Variants in TUSC3 observed in about 807,000 individuals in gnomAD.
TUSC3 encodes the protein dolichyl-diphosphooligosaccharide--protein glycosyltransferase subunit TUSC3.
TUSC3 carries 45 observed loss-of-function variants against 44.8 expected under a neutral mutation model. The observed-to-expected ratio is 1.00, with a 90% CI of 0.79 to 1.29. The LOEUF is 1.29. Among genes scored for constraint, TUSC3 ranks in the 50% most tolerant of loss-of-function variants. TUSC3 has a pLI of 0.00. For synonymous variants in TUSC3, 212 were observed against 152.9 expected (o/e 1.39, Z -2.85); for missense variants, 519 against 437.9 (o/e 1.19, Z -1.65).
the TUSC3 span, among the ~76,000 whole-genome samples, chr8:15,788,472 A>G: frequency 6.6e-6 from 1 of 150,382 alleles, no homozygotes; most frequent in Non-Finnish European, 1.5e-5. Context: ...TCCTGAACCC[A>G]GGAGGCGGAG....
intron 1 of TUSC3, 28 bp downstream of exon 1, chr8:15,540,596 TG>T (rs749666014): frequency 6.6e-7 from 1 of 1,515,990 alleles, no homozygotes; most frequent in Non-Finnish European, 8.9e-7. Flanking sequence ...GGCCTTCCCC[TG>T]TGGGCGGGGG....
At chr8:15,624,309 T>TA (rs1025280519) in intron 2 of TUSC3, among the ~76,000 whole-genome samples, 11 of 152,198 alleles carry the variant, frequency 7.2e-5, no homozygotes, top group Non-Finnish European at 1.0e-4. Flanking sequence ...TATGTGAACT[T>TA]ACCGTTTTTC....
chr8:15,755,784 T>C (rs1811904212), intron 9 of TUSC3, among the ~76,000 whole-genome samples: 1 of 152,036 alleles, frequency 6.6e-6, no homozygotes, highest in Non-Finnish European at 1.5e-5. Context: ...AGAAATATGA[T>C]TTCAGTAGTA....
chr8:15,568,108 A>T (rs1210431372), intron 1 of TUSC3, among the ~76,000 whole-genome samples: 2 of 152,104 alleles, frequency 1.3e-5, no homozygotes, highest in Non-Finnish European at 2.9e-5. Context: ...CCATTCTCTG[A>T]GATTTGTCCA....
intron 6 of TUSC3, among the ~76,000 whole-genome samples, chr8:15,705,202 G>T (rs888670839): frequency 6.6e-6 from 1 of 151,664 alleles, no homozygotes; most frequent in African/African-American, 2.4e-5. Context: ...AGAGTACAGA[G>T]ACATTGATTT....
At chr8:15,684,006 G>T (rs1375574166) in intron 6 of TUSC3, among the ~76,000 whole-genome samples, 1 of 151,684 alleles carries the variant, frequency 6.6e-6, no homozygotes, top group East Asian at 2.0e-4. Flanking sequence ...TCAGAGTGCA[G>T]TCCACCAGCT....
At chr8:15,535,549 A>G (rs1346430951), upstream of TUSC3, among the ~76,000 whole-genome samples, 4 of 151,776 alleles carry the variant, frequency 2.6e-5, no homozygotes, top group Non-Finnish European at 4.4e-5. Context: ...AGAGGAAGCA[A>G]TCAGATATGC....
At chr8:15,469,408 C>G (rs1022897467) in intron 1 of TUSC3, among the ~76,000 whole-genome samples, 10 of 152,140 alleles carry the variant, frequency 6.6e-5, no homozygotes, top group Non-Finnish European at 7.4e-5. Flanking sequence ...AAAATAGGTT[C>G]TATATCACAT....
intron 1 of TUSC3, among the ~76,000 whole-genome samples, chr8:15,478,017 G>T (rs1231211203): frequency 6.6e-6 from 1 of 152,034 alleles, no homozygotes; most frequent in Non-Finnish European, 1.5e-5. Context: ...GAGTGCAGTG[G>T]CACGATCTTG....
chr8:15,512,555 TTGAGG>T (rs1295724793), intron 2 of TUSC3, among the ~76,000 whole-genome samples: 1 of 152,044 alleles, frequency 6.6e-6, no homozygotes, highest in African/African-American at 2.4e-5. Flanking sequence ...GGCAGATCAC[TTGAGG>T]TCAGCAGTTT....
At chr8:15,658,583 T>C (rs578262405) in intron 3 of TUSC3, among the ~76,000 whole-genome samples, 1 of 151,998 alleles carries the variant, frequency 6.6e-6, no homozygotes, top group East Asian at 1.9e-4. Context: ...TTTAAAACTT[T>C]TTTTTATAAT....
chr8:15,555,519 T>C (rs1802228363), intron 1 of TUSC3, among the ~76,000 whole-genome samples: 1 of 151,216 alleles, frequency 6.6e-6, no homozygotes, highest in Non-Finnish European at 1.5e-5. Context: ...GGCCTTGAAC[T>C]CTTGGGCTCA....
In TUSC3 at chr8:15,504,621, ATTTT is replaced by A. The variant is rs869264757; in HGVS notation, n.189+21156_189+21159del. ...TATATATATATATATATATATATAT[ATTTT>A]TTTTTTTTTTTTTTTTTAAGTGGGT... On this transcript the variant is annotated intron_variant and non_coding_transcript_variant, in intron 2 of 5. Coordinates refer to the TUSC3 transcript ENST00000503191. Among the ~76,000 whole-genome samples, 195 of 20,226 alleles carry A rather than the reference ATTTT, an allele frequency of 9.6e-3. 5 individuals carry two copies. The highest frequency in any genetic ancestry group is 0.025 in the East Asian group (14 of 554). The allele number at this position is 20,226 out of a possible 152,430, so 13.3% of individuals were successfully genotyped here.
intron 1 of TUSC3, among the ~76,000 whole-genome samples, chr8:15,552,525 C>T (rs1190210127): frequency 6.6e-6 from 1 of 151,688 alleles, no homozygotes; most frequent in Non-Finnish European, 1.5e-5. Context: ...AAGAGCTAAT[C>T]ATAGGAAATA....
intron 1 of TUSC3, among the ~76,000 whole-genome samples, chr8:15,472,364 T>G (rs1435275257): frequency 6.6e-6 from 1 of 152,224 alleles, no homozygotes; most frequent in Admixed American, 6.5e-5. Flanking sequence ...GAAACTTTTC[T>G]ATCTAGAAAG....
At chr8:15,489,575 C>T (rs925947847) in intron 2 of TUSC3, among the ~76,000 whole-genome samples, 9 of 152,112 alleles carry the variant, frequency 5.9e-5, no homozygotes, top group South Asian at 2.1e-4. Context: ...CAAAGAGTTA[C>T]GTTTTGGGGT....
intron 1 of TUSC3, among the ~76,000 whole-genome samples, chr8:15,432,368 A>T (rs1281879331): frequency 2.0e-5 from 3 of 152,002 alleles, no homozygotes; most frequent in Non-Finnish European, 4.4e-5. Flanking sequence ...TACTTTCTTA[A>T]AATGTCCATT....
intron 1 of TUSC3, among the ~76,000 whole-genome samples, chr8:15,558,982 T>C (rs918659032): frequency 1.1e-4 from 16 of 149,744 alleles, no homozygotes; most frequent in African/African-American, 3.9e-4. Context: ...TTTTGAAGGG[T>C]TTTTTGTGTC....
chr8:15,473,726 C>G (rs1585057840), intron 1 of TUSC3, among the ~76,000 whole-genome samples: 1 of 152,110 alleles, frequency 6.6e-6, no homozygotes, highest in Admixed American at 6.5e-5. Context: ...GGGAGTGGGT[C>G]ACAAGATCAC....
Sources: gnomAD v4.1 joint callset for allele counts (sites outside exome capture counted in the v4.1 genomes callset) on GRCh38, gnomAD v4.1.1 for gene constraint, MANE v1.5 for transcripts, NCBI Gene and HGNC (gene_info 2026-07-23, HGNC 2026-07-21) for gene names.